IFT56: variants seen among roughly 807,000 people sequenced by gnomAD.
The protein encoded by IFT56 is intraflagellar transport 56.
At chr7:139,134,820 G>A in the IFT56 span, 4 of 1,607,100 alleles carry the variant, frequency 2.5e-6, no homozygotes, top group South Asian at 4.4e-5. Context: ...TTGCTTCTTA[G>A]TGTATGAATA....
the IFT56 span, among the ~76,000 whole-genome samples, chr7:139,144,509 T>C: frequency 6.6e-6 from 1 of 152,054 alleles, no homozygotes; most frequent in East Asian, 1.9e-4. Context: ...AGGTCTTTTC[T>C]TTTTTTAATT....
At chr7:139,140,489 G>A in the IFT56 span, among the ~76,000 whole-genome samples, 1 of 152,104 alleles carries the variant, frequency 6.6e-6, no homozygotes, top group Non-Finnish European at 1.5e-5. Flanking sequence ...GGTAGAAAAA[G>A]TTAAAGATGG....
chr7:139,172,863 A>C, the IFT56 span: 16 of 686,150 alleles, frequency 2.3e-5, no homozygotes, highest in South Asian at 2.2e-4. Flanking sequence ...CCTTGCTAGG[A>C]GTCAGAGGAA....
the IFT56 span, chr7:139,134,889 G>C: frequency 7.8e-7 from 1 of 1,288,626 alleles, no homozygotes; most frequent in East Asian, 2.4e-5. Flanking sequence ...AAATAGGTGG[G>C]TGCATTCTGG....
chr7:139,163,127 G>A, the IFT56 span, among the ~76,000 whole-genome samples: 1 of 151,854 alleles, frequency 6.6e-6, no homozygotes, highest in Non-Finnish European at 1.5e-5. Flanking sequence ...GGCGGATCAC[G>A]AGGTCAGGAG....
chr7:139,134,790 G>A, the IFT56 span: 1 of 1,612,872 alleles, frequency 6.2e-7, no homozygotes, highest in Non-Finnish European at 8.5e-7. Context: ...TACCCTGTTG[G>A]AGGTAATGCC....
the IFT56 span, among the ~76,000 whole-genome samples, chr7:139,138,625 T>C: frequency 6.6e-6 from 1 of 152,106 alleles, no homozygotes; most frequent in Non-Finnish European, 1.5e-5. Flanking sequence ...ATTAAGCCAT[T>C]TTGATAAAAA....
chr7:139,182,107 G>A, the IFT56 span, among the ~76,000 whole-genome samples: 1 of 152,040 alleles, frequency 6.6e-6, no homozygotes, highest in Non-Finnish European at 1.5e-5. Flanking sequence ...TGGAGGGGCG[G>A]GGGGAGTTGG....
At chr7:139,189,591 T>C in the IFT56 span, 9 of 577,460 alleles carry the variant, frequency 1.6e-5, no homozygotes, top group Non-Finnish European at 2.2e-5. Context: ...TGAGACTTAG[T>C]CTCCTGGCTG....
chr7:139,179,721 T>G, the IFT56 span: 1 of 1,201,706 alleles, frequency 8.3e-7, no homozygotes, highest in Non-Finnish European at 1.2e-6. Context: ...GGAAATGACA[T>G]TGAAAGTTTT....
chr7:139,169,699 TA>T, the IFT56 span, among the ~76,000 whole-genome samples: 64 of 152,360 alleles, frequency 4.2e-4, no homozygotes, highest in African/African-American at 1.5e-3. Context: ...TTGCCTATGA[TA>T]TTTTTTTCCA....
the IFT56 span, among the ~76,000 whole-genome samples, chr7:139,167,448 T>C: frequency 6.6e-6 from 1 of 152,188 alleles, no homozygotes; most frequent in Non-Finnish European, 1.5e-5. Flanking sequence ...TGCTGTTCTT[T>C]GTGAGCTCTC....
chr7:139,189,428 T>C, the IFT56 span: 170 of 1,606,420 alleles, frequency 1.1e-4, no homozygotes, highest in South Asian at 1.5e-3. Flanking sequence ...AGAGTGTCCA[T>C]CTAAAATAGC....
At chr7:139,152,852 TC>T in the IFT56 span, among the ~76,000 whole-genome samples, 2 of 152,128 alleles carry the variant, frequency 1.3e-5, no homozygotes, top group Non-Finnish European at 2.9e-5. Flanking sequence ...TTTCATTATC[TC>T]AAAAAGAAAT....
the IFT56 span, among the ~76,000 whole-genome samples, chr7:139,166,132 A>C: frequency 6.6e-6 from 1 of 151,902 alleles, no homozygotes; most frequent in African/African-American, 2.4e-5. Flanking sequence ...TAATTTTTGT[A>C]TTTCTAATAG....
chr7:139,172,286 C>T, the IFT56 span, among the ~76,000 whole-genome samples: 1 of 152,178 alleles, frequency 6.6e-6, no homozygotes, highest in African/African-American at 2.4e-5. Context: ...TCACAGATGG[C>T]CTGCACAGTA....
chr7:139,168,708 T>C, the IFT56 span: 2 of 350,100 alleles, frequency 5.7e-6, no homozygotes, highest in Non-Finnish European at 5.5e-6. Context: ...CAGCGACTTT[T>C]TTTAAACTTA....
chr7:139,178,024 G>C, the IFT56 span, among the ~76,000 whole-genome samples: 1 of 151,978 alleles, frequency 6.6e-6, no homozygotes. Context: ...AGAGATTATT[G>C]GTCACTCTCA....
chr7:139,142,911 C>T, the IFT56 span, among the ~76,000 whole-genome samples: 16 of 152,060 alleles, frequency 1.1e-4, no homozygotes, highest in Non-Finnish European at 1.9e-4. Context: ...GTCCTGACTC[C>T]TAGAAATAAA....
Sources: allele counts gnomAD v4.1 joint callset (sites outside exome capture counted in the v4.1 genomes callset), GRCh38; gene constraint gnomAD v4.1.1; transcripts MANE v1.5; gene names NCBI Gene and HGNC (gene_info 2026-07-23, HGNC 2026-07-21).